The following TACC2 variants were observed in gnomAD, a reference collection of about 807,000 sequenced individuals.
The protein encoded by TACC2 is transforming acidic coiled-coil containing protein 2.
TACC2 carries 137 observed loss-of-function variants against 227.3 expected under a neutral mutation model. That is an observed-to-expected ratio of 0.60 (90% CI 0.52 to 0.69). The LOEUF is 0.69. TACC2 is among the 30% of genes least tolerant of loss of function. TACC2 has a pLI of 0.00. For missense variants in TACC2, 3,470 were observed against 3,694.4 expected (o/e 0.94, Z 1.57); for synonymous variants, 1,523 against 1,487.5 (o/e 1.02, Z -0.55).
At chr10:122,007,456 G>A (rs1239546434) in intron 1 of TACC2, among the ~76,000 whole-genome samples, 3 of 152,290 alleles carry the variant, frequency 2.0e-5, no homozygotes, top group Admixed American at 2.0e-4. Context: ...GTCTCAGGGT[G>A]TAAGGAAGAT....
chr10:122,030,299 A>G (rs1239496805), intron 2 of TACC2, among the ~76,000 whole-genome samples: 3 of 152,178 alleles, frequency 2.0e-5, no homozygotes, highest in Admixed American at 6.5e-5. Flanking sequence ...CCAGAATTGA[A>G]TGTACACTGT....
chr10:122,143,889 C>T (rs1360001981), intron 7 of TACC2, among the ~76,000 whole-genome samples, 183 bp downstream of exon 7: 1 of 152,160 alleles, frequency 6.6e-6, no homozygotes, highest in Non-Finnish European at 1.5e-5. Flanking sequence ...CCCTTGCCCA[C>T]CTGCTCCTCA....
intron 1 of TACC2, among the ~76,000 whole-genome samples, chr10:122,009,949 G>A (rs1469909897): frequency 6.6e-6 from 1 of 152,078 alleles, no homozygotes; most frequent in Non-Finnish European, 1.5e-5. Flanking sequence ...GGGAAACAGA[G>A]GTTTTAAAAA....
At chr10:122,212,353 T>C (rs1593407869) in intron 9 of TACC2, among the ~76,000 whole-genome samples, 1 of 152,010 alleles carries the variant, frequency 6.6e-6, no homozygotes, top group South Asian at 2.1e-4. Context: ...GGGGAGCAAA[T>C]CCCCACAATC....
rs1371189180 is a variant in TACC2, at chr10:122,139,947, A to G, written c.5700-3625A>G. 5.9e-5 allele frequency among the ~76,000 whole-genome samples: 9 copies of G among 152,322 alleles called. No individual in the cohort carries two copies. In the South Asian group the frequency reaches 1.2e-3, roughly 21 times the overall value. ...GCCAATCTCTGAAATGAAATTTGCTATCAGTTCAGTGAGGGATCTGCCTAG... is the reference window on the plus strand; with the variant it reads ...GCCAATCTCTGAAATGAAATTTGCTGTCAGTTCAGTGAGGGATCTGCCTAG... On this transcript the variant is annotated intron_variant, in intron 6 of 22. Transcript: ENST00000369005.
At chr10:122,109,745 A>G (rs190493151) in intron 5 of TACC2, among the ~76,000 whole-genome samples, 1 of 152,324 alleles carries the variant, frequency 6.6e-6, no homozygotes, top group East Asian at 1.9e-4. Context: ...GGAATTAGCC[A>G]TAATTTGATC....
intron 16 of TACC2, among the ~76,000 whole-genome samples, chr10:122,234,804 T>C (rs537825819): frequency 6.6e-6 from 1 of 152,374 alleles, no homozygotes; most frequent in Admixed American, 6.5e-5. Flanking sequence ...ATTAGTCATA[T>C]TTAGTTTCTG....
intron 5 of TACC2, among the ~76,000 whole-genome samples, chr10:122,125,776 C>CTTTTTTTTTT (rs67882679): frequency 1.7e-5 from 2 of 117,218 alleles, no homozygotes; most frequent in African/African-American, 2.9e-5. Flanking sequence ...AATATCCTTC[C>CTTTTTTTTTT]TTTTTTTTTT....
chr10:122,219,399 T>C (rs1226309160), intron 11 of TACC2, among the ~76,000 whole-genome samples: 1 of 152,220 alleles, frequency 6.6e-6, no homozygotes, highest in Non-Finnish European at 1.5e-5. Context: ...GCTTCCCAAC[T>C]AGCTTGTATG....
At position 122,091,254 on chromosome 10, in the gene TACC2, GA is replaced by G. The variant is rs58673621; in HGVS notation, c.5573+2672del. On this transcript the variant is annotated intron_variant, in intron 5 of 22. Transcript: ENST00000369005. Reference sequence around the variant, plus strand: ...ACACCCAATGTTGAAAATTTAGTATGAAAAAAAAAGAAAATACATCACTAGT... The same window carrying G: ...ACACCCAATGTTGAAAATTTAGTATGAAAAAAAAGAAAATACATCACTAGT... Among the ~76,000 whole-genome samples, 461 of 150,070 alleles carry G rather than the reference GA, an allele frequency of 3.1e-3. 3 individuals are homozygous for G. Among genetic ancestry groups the G allele is most frequent in the African/African-American group, 9.3e-3 (380 of 40,890 alleles).
At chr10:122,088,819 A>T in intron 5 of TACC2, 2 of 1,412,210 alleles carry the variant, frequency 1.4e-6, no homozygotes. Context: ...TGAGTTTATT[A>T]CCTTAAATTT....
chr10:122,248,336 G>T, intron 19 of TACC2: 1 of 288,098 alleles, frequency 3.5e-6, no homozygotes, highest in East Asian at 6.0e-5. Context: ...CAACCACATA[G>T]AATCACCAGG....
chr10:122,108,306 A>G (rs2083130257), intron 5 of TACC2, among the ~76,000 whole-genome samples: 1 of 152,082 alleles, frequency 6.6e-6, no homozygotes, highest in East Asian at 1.9e-4. Context: ...AATGGTCTCC[A>G]ATTCCATCCA....
chr10:122,107,417 C>T (rs1039711113), intron 5 of TACC2, among the ~76,000 whole-genome samples: 6 of 151,946 alleles, frequency 3.9e-5, no homozygotes, highest in African/African-American at 1.4e-4. Flanking sequence ...GGTGAAACCC[C>T]GTCTCTACTA....
At position 122,084,685 on chromosome 10, in the gene TACC2, G is replaced by A; in HGVS notation, c.2185G>A (p.Ala729Thr). 1 of 1,613,690 alleles carries A rather than the reference G, an allele frequency of 6.2e-7. No individual in the cohort carries two copies. The highest frequency in any genetic ancestry group is 1.7e-5 in the Admixed American group (1 of 60,034). Reference protein sequence around the residue: ...EKSDFPPTPVAEVAPKAQEGE... With the variant: ...EKSDFPPTPVTEVAPKAQEGE... ...ATCAGATTTTCCACCAACTCCTGTT[G>A]CAGAGGTTGCACCCAAAGCCCAGGA... is the stretch of plus-strand genomic sequence containing the variant. Residue 729 changes from alanine (A) to threonine (T), a missense_variant, in exon 4 of 23, where the codon GCA becomes ACA. This residue lies in a region of TACC2 where 1,924 missense variants were observed against 1,978.3 expected (regional missense o/e 0.97). Coordinates refer to ENST00000369005, the MANE Select transcript of TACC2 (RefSeq NM_206862.4).
intron 7 of TACC2, among the ~76,000 whole-genome samples, chr10:122,158,454 T>G (rs1320411497): frequency 6.6e-6 from 1 of 152,012 alleles, no homozygotes; most frequent in Non-Finnish European, 1.5e-5. Context: ...CTCATCTGTG[T>G]TTACTGACTT....
At chr10:122,145,341 G>A (rs1370873349) in intron 7 of TACC2, among the ~76,000 whole-genome samples, 1 of 152,146 alleles carries the variant, frequency 6.6e-6, no homozygotes, top group Non-Finnish European at 1.5e-5. Flanking sequence ...CCCATAAAAA[G>A]GAACAAGCTA....
At chr10:122,027,994 C>T (rs1268724364) in intron 2 of TACC2, among the ~76,000 whole-genome samples, 9 of 151,844 alleles carry the variant, frequency 5.9e-5, no homozygotes, top group Non-Finnish European at 1.2e-4. Context: ...CTGCCCTCCT[C>T]GGCCTCCCAA....
At chr10:122,027,556 C>T (rs1038537993) in intron 2 of TACC2, among the ~76,000 whole-genome samples, 1 of 152,080 alleles carries the variant, frequency 6.6e-6, no homozygotes, top group African/African-American at 2.4e-5. Flanking sequence ...TTGTGTGGCT[C>T]TGTTTCTGGG....
Sources: allele counts gnomAD v4.1 joint callset (sites outside exome capture counted in the v4.1 genomes callset), GRCh38; gene constraint gnomAD v4.1.1; regional missense constraint gnomAD v4.1.1; transcripts MANE v1.5; gene names NCBI Gene and HGNC (gene_info 2026-07-23, HGNC 2026-07-21).